The following NEMF variants were observed in gnomAD, a reference collection of about 807,000 sequenced individuals.
NEMF encodes nuclear export mediator factor.
Under a neutral mutation model 162.2 loss-of-function variants are expected in NEMF, and 89 were observed. The observed-to-expected ratio is 0.55, with a 90% CI of 0.46 to 0.65. The LOEUF (loss-of-function observed/expected upper bound fraction) is 0.65. Ranked by LOEUF, NEMF falls within the 30% of genes least tolerant of loss-of-function variation. The probability of loss-of-function intolerance (pLI) is 0.00; values close to 1 mark genes in which losing one functional copy is unlikely to be tolerated. For missense variants in NEMF, 1,133 were observed against 1,261.9 expected, an observed-to-expected ratio of 0.90 and a Z score of 1.55; for synonymous variants, 421 against 404.5, an observed-to-expected ratio of 1.04 and a Z score of -0.49.
At chr14:49,847,424 G>A (rs556057504) in intron 3 of NEMF, among the ~76,000 whole-genome samples, 13 of 150,398 alleles carry the variant, frequency 8.6e-5, no homozygotes, top group African/African-American at 1.2e-4. Flanking sequence ...GGCTGGTCTC[G>A]AACTCCTGAG....
At chr14:49,840,381 G>A (rs1330341137) in intron 5 of NEMF, among the ~76,000 whole-genome samples, 3 of 151,798 alleles carry the variant, frequency 2.0e-5, no homozygotes, top group Admixed American at 2.0e-4. Flanking sequence ...AGAATCGCTT[G>A]AACCTGGGAT....
At chr14:49,796,323 G>C in intron 25 of NEMF, 1 of 459,508 alleles carries the variant, frequency 2.2e-6, no homozygotes, top group Non-Finnish European at 4.4e-6. Flanking sequence ...TTGACCGGTT[G>C]GTTGACTAAA....
intron 26 of NEMF, among the ~76,000 whole-genome samples, chr14:49,791,189 G>C (rs1202027233): frequency 6.6e-6 from 1 of 151,552 alleles, no homozygotes; most frequent in Non-Finnish European, 1.5e-5. Flanking sequence ...ACAAAAATTA[G>C]CTGGGTGTGG....
chr14:49,847,069 A>T (rs567917599), intron 3 of NEMF, among the ~76,000 whole-genome samples: 1 of 151,222 alleles, frequency 6.6e-6, no homozygotes, highest in Non-Finnish European at 1.5e-5. Context: ...TATTTTTAGT[A>T]GAGACGGGGT....
rs909665929 is a variant in NEMF, at chr14:49,838,064, A to G, written c.574+75T>C. 7.5e-5 allele frequency: 89 copies of G among 1,180,440 alleles called. 1 individual carries two copies. In the African/African-American group the frequency reaches 1.2e-3, roughly 15 times the overall value. 73.1% of individuals were successfully genotyped at this position (1,180,440 alleles called of 1,614,324 possible). On this transcript the variant is annotated intron_variant, in intron 6 of 32. Coordinates refer to ENST00000298310, the MANE Select transcript of NEMF (RefSeq NM_004713.6). Reference sequence around the variant, plus strand: ...CTTGTTCAAATTTTCTAATAAAACCATAAAAGATTTCAATATATTCCTGAA... The same window carrying G: ...CTTGTTCAAATTTTCTAATAAAACCGTAAAAGATTTCAATATATTCCTGAA...
At position 49,784,159 on chromosome 14, in the gene NEMF, TAG is replaced by T. The variant is rs1317012327; in HGVS notation, c.*475_*476del. ...ACAAATACTTTAGGAAATCCTATCA[TAG>T]TGTTTCCTCTATATAAAACTGGGAA... On this transcript the variant is annotated 3_prime_UTR_variant, in exon 33 of 33. Coordinates refer to ENST00000298310, the MANE Select transcript of NEMF (RefSeq NM_004713.6). 6.6e-6 allele frequency: 1 copy of T among 152,452 alleles called. No individual in the cohort carries two copies. The highest frequency in any genetic ancestry group is 1.9e-4 in the East Asian group (1 of 5,208). The allele number at this position is 152,452 out of a possible 1,614,324, so 9.4% of individuals were successfully genotyped here. A position where few individuals can be genotyped will look rare whatever the true frequency, so the allele number is the denominator to read the frequency against.
chr14:49,810,069 T>C (rs1322100343), intron 18 of NEMF, among the ~76,000 whole-genome samples: 2 of 151,314 alleles, frequency 1.3e-5, no homozygotes, highest in East Asian at 3.9e-4. Context: ...TCGAAAAAAA[T>C]GTCTATTTAA....
intron 10 of NEMF, 124 bp from the exon 11 acceptor site, chr14:49,831,485 G>C: frequency 1.6e-6 from 1 of 643,854 alleles, no homozygotes; most frequent in Non-Finnish European, 2.7e-6. Flanking sequence ...TTGCCCAGGC[G>C]GGACTGCAGT....
chr14:49,811,552 C>T (rs940962665), intron 18 of NEMF, among the ~76,000 whole-genome samples: 7 of 152,132 alleles, frequency 4.6e-5, no homozygotes. Flanking sequence ...AATCTTTCAG[C>T]ATTAAGTATG....
intron 3 of NEMF, among the ~76,000 whole-genome samples, chr14:49,848,400 G>T (rs533098872): frequency 1.3e-5 from 2 of 151,950 alleles, no homozygotes; most frequent in Non-Finnish European, 2.9e-5. Flanking sequence ...TACATGTACC[G>T]TCTTTTTGTA....
At chr14:49,808,427 G>A (rs751790198) in intron 18 of NEMF, among the ~76,000 whole-genome samples, 12 of 151,788 alleles carry the variant, frequency 7.9e-5, no homozygotes, top group South Asian at 4.2e-4. Context: ...CACCTGCCTC[G>A]GCCTCCCAAA....
chr14:49,791,523 G>A (rs1345032494), intron 26 of NEMF, among the ~76,000 whole-genome samples: 1 of 152,040 alleles, frequency 6.6e-6, no homozygotes. Context: ...CGGATCACAA[G>A]GTCAAGAGAT....
At chr14:49,843,820 C>T (rs373643024) in intron 4 of NEMF, among the ~76,000 whole-genome samples, 2 of 152,256 alleles carry the variant, frequency 1.3e-5, no homozygotes, top group South Asian at 2.1e-4. Context: ...AGTTCCAGGC[C>T]GGGCGCAGTG....
At position 49,833,449 on chromosome 14, in the gene NEMF, T is replaced by G; in HGVS notation, c.709A>C (p.Lys237Gln). The change falls in exon 8 of 33, where the codon AAA becomes CAA. Residue 237 changes from lysine (K) to glutamine (Q), a missense_variant. Physicochemically the swap from Lys to Gln is moderately conservative, Grantham distance 53. This residue lies in a region of NEMF where 582 missense variants were observed against 631.5 expected (regional missense o/e 0.92). Coordinates refer to ENST00000298310, the MANE Select transcript of NEMF (RefSeq NM_004713.6). ...VSLQKAEDYM[K>Q]TTSNFSGKGY... ...TTCCCACTGAAGTTGGATGTTGTTT[T>G]CATATAGTCTTCTGCTTTCTGCAGA... The G allele has an allele frequency of 6.3e-7, 1 of 1,586,648 alleles. No individual in the cohort carries two copies. Among genetic ancestry groups the G allele is most frequent in the Non-Finnish European group, 8.6e-7 (1 of 1,161,058 alleles).
intron 10 of NEMF, among the ~76,000 whole-genome samples, chr14:49,831,670 CA>C (rs1375787232): frequency 2.1e-4 from 32 of 152,280 alleles, no homozygotes; most frequent in Admixed American, 2.1e-3. Flanking sequence ...CTCCTGACCT[CA>C]ACTGATCTGC....
intron 4 of NEMF, among the ~76,000 whole-genome samples, chr14:49,844,012 T>C (rs1328176595): frequency 6.6e-6 from 1 of 151,748 alleles, no homozygotes; most frequent in Non-Finnish European, 1.5e-5. Flanking sequence ...GGCACTAGGA[T>C]TGCTTGAACC....
chr14:49,822,519 C>A (rs1259660497), intron 16 of NEMF, among the ~76,000 whole-genome samples: 2 of 149,026 alleles, frequency 1.3e-5, no homozygotes, highest in Non-Finnish European at 3.0e-5. Flanking sequence ...AGGACTCTGT[C>A]TCAAAGAAAA....
At position 49,851,614 on chromosome 14, in the gene NEMF, T is replaced by C. The variant is rs1267773787; in HGVS notation, c.180A>G (p.Thr60=). 1 of 1,614,012 alleles carries C rather than the reference T, an allele frequency of 6.2e-7. No individual in the cohort carries two copies. Among genetic ancestry groups the C allele is most frequent in the Non-Finnish European group, 8.5e-7 (1 of 1,179,964 alleles). The change falls in exon 3 of 33, where the codon ACA becomes ACG. Residue 60 remains threonine (T), a synonymous_variant. Coordinates refer to ENST00000298310, the MANE Select transcript of NEMF (RefSeq NM_004713.6). ...TATTCTTAGGCCACTCAAATTCTGTTGTATGAATTCGTATGCCAGATTCAA... is the reference window on the plus strand; with the variant it reads ...TATTCTTAGGCCACTCAAATTCTGTCGTATGAATTCGTATGCCAGATTCAA... ...LLLESGIRIH[T]TEFEWPKNMM...
At chr14:49,829,550 C>T (rs1306079657) in intron 11 of NEMF, 124 bp from the exon 12 acceptor site, 4 of 754,780 alleles carry the variant, frequency 5.3e-6, no homozygotes, top group Non-Finnish European at 4.3e-6. Context: ...GCTGAAGTTC[C>T]CATAGTCTAC....
Sources: gnomAD v4.1 joint callset for allele counts (sites outside exome capture counted in the v4.1 genomes callset) on GRCh38, gnomAD v4.1.1 for gene constraint, gnomAD v4.1.1 regional missense constraint, MANE v1.5 for transcripts, NCBI Gene and HGNC (gene_info 2026-07-23, HGNC 2026-07-21) for gene names.